The following LAS1L variants were observed in gnomAD, a reference collection of about 807,000 sequenced individuals.
LAS1L encodes the protein ribosomal biogenesis protein LAS1L.
LAS1L carries 5 observed loss-of-function variants against 57.3 expected under a neutral mutation model. The observed-to-expected ratio is 0.09, with a 90% CI of 0.05 to 0.18. LAS1L has a LOEUF of 0.18. Among genes scored for constraint, LAS1L ranks in the 10% least tolerant of loss-of-function variants. The pLI is 1.00. For missense variants in LAS1L, 360 were observed against 568.3 expected (o/e 0.63, Z 3.73); for synonymous variants, 245 against 231.7 (o/e 1.06, Z -0.52).
intron 4 of LAS1L, among the ~76,000 whole-genome samples, chrX:65,530,813 CAAA>C (rs754023056): frequency 9.5e-5 from 4 of 42,117 alleles, no homozygotes; most frequent in African/African-American, 1.4e-4. Context: ...GACTCTGTCT[CAAA>C]AAAAAAAAAA....
At chrX:65,518,816 A>G in intron 11 of LAS1L, 1 of 753,402 alleles carries the variant, frequency 1.3e-6, no homozygotes, top group Non-Finnish European at 1.6e-6. Flanking sequence ...CTTAAAAGCT[A>G]CATAAATGCA....
intron 7 of LAS1L, among the ~76,000 whole-genome samples, chrX:65,526,909 G>A (rs2069170798): frequency 9.0e-6 from 1 of 110,632 alleles, no homozygotes; most frequent in South Asian, 3.8e-4. Flanking sequence ...CTCTCCAATG[G>A]CAGTTCAAAA....
chrX:65,522,812 G>C (rs1182775786), intron 11 of LAS1L: 1 of 112,248 alleles, frequency 8.9e-6, no homozygotes, highest in African/African-American at 3.3e-5. Context: ...ATGGGTTGCT[G>C]AGTGTAGTGG....
intron 11 of LAS1L, chrX:65,518,696 C>A: frequency 2.0e-6 from 1 of 499,751 alleles, no homozygotes; most frequent in Non-Finnish European, 2.5e-6. Flanking sequence ...AATAATGATA[C>A]CTAATGTATA....
chrX:65,533,551 G>A, intron 2 of LAS1L, 59 bp downstream of exon 2: 4 of 1,155,948 alleles, frequency 3.5e-6, no homozygotes, highest in Admixed American at 2.3e-5. Flanking sequence ...CTTATCACAT[G>A]CCTCCCCTGC....
rs1262981010 is a variant in LAS1L, at chrX:65,523,635, G to T, written c.1373C>A (p.Ala458Asp). The T allele has an allele frequency of 1.7e-6, 2 of 1,199,341 alleles. No individual in the cohort carries two copies. The highest frequency in any genetic ancestry group is 2.2e-6 in the Non-Finnish European group (2 of 889,454). The change falls in exon 11 of 14, where the codon GCC (alanine) becomes GAC (aspartate). Residue 458 changes from alanine to aspartate, a missense_variant. Coordinates refer to ENST00000374811, the MANE Select transcript of LAS1L (RefSeq NM_031206.7). ...RRGWRLFNCS[A>D]SLDWPRMVES... ...AACCATCCGGGGCCAGTCAAGGGAG[G>T]CGGAGCAGTTGAACAGCCTCCAGCC...
At chrX:65,517,608 C>T (rs2068696616) in intron 12 of LAS1L, among the ~76,000 whole-genome samples, 1 of 111,883 alleles carries the variant, frequency 8.9e-6, no homozygotes, top group African/African-American at 3.3e-5. Flanking sequence ...ACCAGCCAGC[C>T]TCAAGGCACA....
intron 11 of LAS1L, chrX:65,518,730 G>A (rs1183921258): frequency 3.2e-6 from 2 of 624,734 alleles, no homozygotes; most frequent in Non-Finnish European, 3.8e-6. Flanking sequence ...GAGTAAATAA[G>A]AAAGCTCACA....
At chrX:65,521,604 C>A in intron 11 of LAS1L, 1 of 113,782 alleles carries the variant, frequency 8.8e-6, no homozygotes. Flanking sequence ...CTTTTGGTCA[C>A]AGTAAGGTGC....
rs374599510 is a variant in LAS1L, at chrX:65,534,745, G to C, written c.-30C>G. On this transcript the variant is annotated 5_prime_UTR_variant, in exon 1 of 14. Transcript: ENST00000374811. ...AGCTCAACAACAGGCTCTGTGCCGC[G>C]CCGCTCCGCACAGCCTTCAGCTCAG... The C allele has an allele frequency of 9.1e-7, 1 of 1,097,482 alleles. No individual in the cohort carries two copies. The highest frequency in any genetic ancestry group is 2.0e-5 in the South Asian group (1 of 49,701). The allele number at this position is 1,097,482 out of a possible 1,213,427, so 90.4% of individuals were successfully genotyped here. A position where few individuals can be genotyped will look rare whatever the true frequency, so the allele number is the denominator to read the frequency against.
intron 4 of LAS1L, among the ~76,000 whole-genome samples, chrX:65,530,084 A>G (rs1043955195): frequency 3.3e-4 from 37 of 112,824 alleles, no homozygotes; most frequent in African/African-American, 1.2e-3. Flanking sequence ...TTTCTAGAAA[A>G]AAAAACCTAT....
In LAS1L at chrX:65,515,084, C is replaced by T. The variant is rs1480221626; in HGVS notation, c.1928-111G>A. The T allele has an allele frequency of 4.4e-6, 3 of 683,317 alleles. No homozygotes were observed. The African/African-American group carries it at 6.6e-5, about 15-fold the overall frequency. 56.3% of individuals were successfully genotyped at this position (683,317 alleles called of 1,213,427 possible). ...CCACCCCACTTAGCACAGGTGGGCT[C>T]TCTCAGGATCTCCAGCTTCACTGCT... On this transcript the variant is annotated intron_variant, in intron 12 of 13. Coordinates refer to ENST00000374811, the MANE Select transcript of LAS1L (RefSeq NM_031206.7).
Position 65,534,772 on chromosome X carries a change from G to A in LAS1L, c.-57C>T. ...CGCTCCGCACAGCCTTCAGCTCAGC[G>A]TGCTACCCTCACTCCGAACCGCCAC... On this transcript the variant is annotated 5_prime_UTR_variant, in exon 1 of 14. The change creates a new upstream start codon in the 5' untranslated region. Coordinates refer to ENST00000374811, the MANE Select transcript of LAS1L (RefSeq NM_031206.7). 1.0e-6 allele frequency: 1 copy of A among 981,549 alleles called. No individual in the cohort carries two copies. Among genetic ancestry groups the A allele is most frequent in the Non-Finnish European group, 1.4e-6 (1 of 714,187 alleles). 80.9% of individuals were successfully genotyped at this position (981,549 alleles called of 1,213,427 possible). A position where few individuals can be genotyped will look rare whatever the true frequency, so the allele number is the denominator to read the frequency against.
chrX:65,524,841 TTCA>T (rs2069045850), intron 8 of LAS1L, 121 bp downstream of exon 8: 14 of 481,614 alleles, frequency 2.9e-5, no homozygotes, highest in Non-Finnish European at 4.9e-5. Flanking sequence ...CTGAGGGACT[TTCA>T]GAGGCCATGG....
chrX:65,532,880 T>G (rs778115604), intron 2 of LAS1L, among the ~76,000 whole-genome samples: 1 of 111,561 alleles, frequency 9.0e-6, no homozygotes, highest in Non-Finnish European at 1.9e-5. Flanking sequence ...CTAGGATAAA[T>G]AATAATGATA....
rs1016152604 is a variant in LAS1L at position 65,521,056 on chromosome X, C to T, written c.1448+2504G>A. On this transcript the variant is annotated intron_variant, in intron 11 of 13. Coordinates refer to ENST00000374811, the MANE Select transcript of LAS1L (RefSeq NM_031206.7). ...CACATCACTTCTAGTCTGGAGCACACATCTGGCAATGTGGCTGTTCAGTTC... is the reference window on the plus strand; with the variant it reads ...CACATCACTTCTAGTCTGGAGCACATATCTGGCAATGTGGCTGTTCAGTTC... 49 of 751,784 alleles carry T rather than the reference C, an allele frequency of 6.5e-5. No individual in the cohort carries two copies. The African/African-American group carries it at 9.9e-4, about 15-fold the overall frequency. The allele number at this position is 751,784 out of a possible 1,213,427, so 62.0% of individuals were successfully genotyped here.
At chrX:65,513,039 G>A (rs981865703) in intron 13 of LAS1L, 138 bp from the exon 14 acceptor site, 97 of 633,556 alleles carry the variant, frequency 1.5e-4, no homozygotes, top group Non-Finnish European at 2.1e-4. Flanking sequence ...GAGCAAATCC[G>A]AGAAACGACT....
chrX:65,515,675 C>A, intron 12 of LAS1L, among the ~76,000 whole-genome samples: 1 of 110,327 alleles, frequency 9.1e-6, no homozygotes, highest in Non-Finnish European at 1.9e-5. Flanking sequence ...TCACAGCCAC[C>A]CAAATATGTA....
intron 7 of LAS1L, among the ~76,000 whole-genome samples, chrX:65,526,951 T>C (rs1241924118): frequency 2.7e-5 from 3 of 110,228 alleles, no homozygotes; most frequent in Non-Finnish European, 3.8e-5. Flanking sequence ...GTGGCTCACA[T>C]CTGTAATCCC....
Sources: allele counts gnomAD v4.1 joint callset (sites outside exome capture counted in the v4.1 genomes callset), GRCh38; gene constraint gnomAD v4.1.1; transcripts MANE v1.5; gene names NCBI Gene and HGNC (gene_info 2026-07-23, HGNC 2026-07-21).